CSMD1: variants seen among roughly 807,000 people sequenced by gnomAD.
CSMD1 encodes CUB and Sushi multiple domains 1, also known as CUB and sushi domain-containing protein 1.
In CSMD1, 213 loss-of-function variants were observed where a neutral mutation model predicts 417.5. That is an observed-to-expected ratio of 0.51 (90% CI 0.46 to 0.57). The LOEUF (loss-of-function observed/expected upper bound fraction) is 0.57, where lower values mean the gene tolerates loss of function less well. CSMD1 is among the 20% of genes least tolerant of loss of function. CSMD1 has a pLI of 0.00. For missense variants in CSMD1, 6,923 were observed against 4,529.7 expected (o/e 1.53, Z -15.17); for synonymous variants, 2,862 against 1,736.8 (o/e 1.65, Z -16.11).
At chr8:3,593,082 G>T (rs562985530) in intron 8 of CSMD1, among the ~76,000 whole-genome samples, 1 of 152,220 alleles carries the variant, frequency 6.6e-6, no homozygotes, top group African/African-American at 2.4e-5. Flanking sequence ...AAGGAATGGA[G>T]CTGAGTCCTG....
intron 3 of CSMD1, among the ~76,000 whole-genome samples, chr8:4,151,508 A>G (rs943959727): frequency 1.6e-4 from 25 of 152,340 alleles, no homozygotes; most frequent in Admixed American, 1.4e-3. Flanking sequence ...AACCAAATGG[A>G]AGATTTTGGT....
chr8:4,310,712 G>A lies in CSMD1; in HGVS notation c.415+109241C>T, dbSNP rs764289251. ...AACAACCATAGAACCTGCAAGACAC[G>A]CAAGCATTGTATACCATGGAGAGAG... is the stretch of plus-strand genomic sequence containing the variant. On this transcript the variant is annotated intron_variant, in intron 3 of 69. Transcript: ENST00000635120. Among the ~76,000 whole-genome samples the A allele has an allele frequency of 3.8e-4, 58 of 152,232 alleles. 1 individual carries two copies. The highest frequency in any genetic ancestry group is 1.2e-3 in the African/African-American group (51 of 41,546).
intron 5 of CSMD1, among the ~76,000 whole-genome samples, chr8:3,840,693 ATTTTTT>A (rs34360211): frequency 1.5e-5 from 2 of 134,814 alleles, no homozygotes; most frequent in East Asian, 2.2e-4. Flanking sequence ...CTTTTTTTTA[ATTTTTT>A]TTTTTTTTTT....
chr8:4,245,527 T>C (rs1802651872), intron 3 of CSMD1, among the ~76,000 whole-genome samples: 1 of 152,158 alleles, frequency 6.6e-6, no homozygotes, highest in Non-Finnish European at 1.5e-5. Flanking sequence ...ATCCATGGTC[T>C]CTCCATGCTG....
chr8:4,135,138 T>G (rs1803341129), intron 3 of CSMD1, among the ~76,000 whole-genome samples: 1 of 152,158 alleles, frequency 6.6e-6, no homozygotes, highest in East Asian at 1.9e-4. Context: ...CACAAAATAT[T>G]GTCATATTCT....
intron 6 of CSMD1, among the ~76,000 whole-genome samples, chr8:3,734,811 G>C (rs1285159026): frequency 6.6e-6 from 1 of 152,188 alleles, no homozygotes. Context: ...GAGGCCCCGT[G>C]ACGGGGATAC....
rs548847456 is a variant in CSMD1, at chr8:4,730,869, T to C, written c.86-93311A>G. 3.9e-5 allele frequency among the ~76,000 whole-genome samples: 6 copies of C among 152,164 alleles called. No homozygotes were observed. The South Asian group carries it at 6.3e-4, about 16-fold the overall frequency. On this transcript the variant is annotated intron_variant, in intron 1 of 69. Transcript: ENST00000635120. ...GAAATAAGAGCCGTAACGAGAAATG[T>C]CTCCCTTGAGAAAGGCTTTCCTGTG...
chr8:3,733,166 AAT>A (rs1183308153), intron 6 of CSMD1, among the ~76,000 whole-genome samples: 3 of 62,390 alleles, frequency 4.8e-5, no homozygotes, highest in African/African-American at 1.9e-4. Flanking sequence ...GGAGGCCATA[AAT>A]ACACACACAC....
In CSMD1 at chr8:4,511,376, A is replaced by C. The variant is rs952769392; in HGVS notation, c.303-91311T>G. 4.6e-5 allele frequency among the ~76,000 whole-genome samples: 7 copies of C among 152,170 alleles called. No homozygotes were observed. The East Asian group carries it at 1.3e-3, about 29-fold the overall frequency. On this transcript the variant is annotated intron_variant, in intron 2 of 69. Coordinates refer to ENST00000635120, the MANE Select transcript of CSMD1 (RefSeq NM_033225.6). ...CATGCAGGCTTCTCCTTCGCAGGAG[A>C]ATACAAATCAGGATTCTTTGCAAAC... is the stretch of plus-strand genomic sequence containing the variant.
chr8:4,985,910 A>C (rs552206810), intron 1 of CSMD1, among the ~76,000 whole-genome samples: 11 of 152,322 alleles, frequency 7.2e-5, no homozygotes, highest in Admixed American at 3.9e-4. Flanking sequence ...ATTGCAAGAC[A>C]TTTGGAGTGC....
chr8:3,030,282 G>C (rs927081302), intron 50 of CSMD1, among the ~76,000 whole-genome samples: 2 of 151,878 alleles, frequency 1.3e-5, no homozygotes, highest in African/African-American at 2.4e-5. Context: ...AAAAGTGCAA[G>C]ATGATTTAAA....
intron 3 of CSMD1, among the ~76,000 whole-genome samples, chr8:4,189,140 G>C (rs144763229): frequency 6.6e-6 from 1 of 152,214 alleles, no homozygotes; most frequent in African/African-American, 2.4e-5. Flanking sequence ...AACCAAGTTT[G>C]TGAGTCATCT....
In CSMD1 at chr8:3,468,869, T is replaced by C. The variant is rs756612647; in HGVS notation, c.1449-45A>G. On this transcript the variant is annotated intron_variant, in intron 11 of 69. Coordinates refer to ENST00000635120, the MANE Select transcript of CSMD1 (RefSeq NM_033225.6). ...CAAAGCTTTTAGGTAAGGCAACAAG[T>C]ACATCGACTTCCACCTGAAAGGAGG... The C allele has an allele frequency of 5.5e-6, 7 of 1,272,716 alleles. No homozygotes were observed. The South Asian group carries it at 7.7e-5, about 14-fold the overall frequency. The allele number at this position is 1,272,716 out of a possible 1,614,324, so 78.8% of individuals were successfully genotyped here. A position where few individuals can be genotyped will look rare whatever the true frequency, so the allele number is the denominator to read the frequency against.
intron 10 of CSMD1, among the ~76,000 whole-genome samples, chr8:3,520,044 G>GTATATATATATATA (rs1563116164): frequency 6.6e-5 from 9 of 137,380 alleles, no homozygotes; most frequent in African/African-American, 2.9e-4. Flanking sequence ...ATATATACAC[G>GTATATATATATATA]TATAGTTGTG....
At chr8:3,002,401 T>A (rs1242398048) in intron 52 of CSMD1, among the ~76,000 whole-genome samples, 4 of 152,070 alleles carry the variant, frequency 2.6e-5, no homozygotes, top group East Asian at 3.9e-4. Flanking sequence ...GAAGAGCCCA[T>A]CAGCCCAGCA....
intron 3 of CSMD1, among the ~76,000 whole-genome samples, chr8:4,116,589 T>C (rs13276157): frequency 0.034 from 456 of 13,596 alleles, 62 homozygotes; most frequent in African/African-American, 0.046. Flanking sequence ...CATCCGACAG[T>C]GATGTATGAG....
At chr8:3,821,840 T>C (rs1281043559) in intron 5 of CSMD1, among the ~76,000 whole-genome samples, 1 of 151,992 alleles carries the variant, frequency 6.6e-6, no homozygotes, top group Non-Finnish European at 1.5e-5. Flanking sequence ...GAAACAAAGT[T>C]AGTCATGGCA....
At chr8:3,488,741 G>C (rs533191219) in intron 11 of CSMD1, among the ~76,000 whole-genome samples, 3 of 152,274 alleles carry the variant, frequency 2.0e-5, no homozygotes, top group South Asian at 2.1e-4. Context: ...ACAATGGATA[G>C]ACTTCAAGTC....
chr8:3,527,010 T>C (rs1389403383), intron 10 of CSMD1, among the ~76,000 whole-genome samples: 1 of 152,014 alleles, frequency 6.6e-6, no homozygotes, highest in Non-Finnish European at 1.5e-5. Flanking sequence ...TGGTTGCCTC[T>C]CCCTACTCAG....
Sources: gnomAD v4.1 joint callset for allele counts (sites outside exome capture counted in the v4.1 genomes callset) on GRCh38, gnomAD v4.1.1 for gene constraint, MANE v1.5 for transcripts, NCBI Gene and HGNC (gene_info 2026-07-23, HGNC 2026-07-21) for gene names.